Variants in EEA1 observed in about 807,000 individuals in gnomAD.
EEA1 encodes the protein early endosome antigen 1, 162kD.
In EEA1, 111 loss-of-function variants were observed where a neutral mutation model predicts 209.2. The ratio of observed to expected loss-of-function variants is 0.53; its 90% CI spans 0.45 to 0.62. The LOEUF is 0.62. Ranked by LOEUF, EEA1 falls within the 20% of genes least tolerant of loss-of-function variation. The pLI is 0.00. For synonymous variants in EEA1, 536 were observed against 540.6 expected, an observed-to-expected ratio of 0.99 and a Z score of 0.12; for missense variants, 1,343 against 1,530.8, an observed-to-expected ratio of 0.88 and a Z score of 2.05.
At chr12:92,805,452 G>A (rs974950590) in intron 18 of EEA1, among the ~76,000 whole-genome samples, 3 of 152,130 alleles carry the variant, frequency 2.0e-5, no homozygotes, top group Non-Finnish European at 4.4e-5. Flanking sequence ...CTTTTCTCAG[G>A]TTCTTAGTCT....
chr12:92,806,942 A>ATTTTTTTTTTTTTTTTTTTTTTTT (rs34717047), intron 18 of EEA1, among the ~76,000 whole-genome samples: 1 of 147,392 alleles, frequency 6.8e-6, no homozygotes, highest in African/African-American at 2.5e-5. Context: ...TTTTTTAATA[A>ATTTTTTTTTTTTTTTTTTTTTTTT]TTTTTTTTTT....
chr12:92,832,162 T>C (rs1876682010), intron 11 of EEA1, among the ~76,000 whole-genome samples: 1 of 152,048 alleles, frequency 6.6e-6, no homozygotes, highest in Non-Finnish European at 1.5e-5. Flanking sequence ...TTTTAAAATT[T>C]AGTAACAAAA....
Position 92,882,757 on chromosome 12 carries a change from T to C in EEA1, c.117+8872A>G, listed in dbSNP as rs575349090. Among the ~76,000 whole-genome samples the C allele has an allele frequency of 1.7e-4, 26 of 152,372 alleles. No homozygotes were observed. The South Asian group carries it at 5.4e-3, about 32-fold the overall frequency. ...TCCTACAAAGAATATGATTTTGTTA[T>C]TTTTATGCCTGTGTGGTATTCTGTG... is the stretch of plus-strand genomic sequence containing the variant. On this transcript the variant is annotated intron_variant, in intron 2 of 28. Transcript: ENST00000322349.
chr12:92,800,209 G>A (rs576637447), intron 20 of EEA1, among the ~76,000 whole-genome samples: 4 of 152,238 alleles, frequency 2.6e-5, no homozygotes, highest in African/African-American at 9.6e-5. Flanking sequence ...CTGACAGAGC[G>A]AGACTCTGTT....
In EEA1 at chr12:92,802,503, T is replaced by C. The variant is rs574932863; in HGVS notation, c.2571A>G (p.Thr857=). The change falls in exon 19 of 29, where the codon ACA becomes ACG. Residue 857 remains threonine, a synonymous_variant. Transcript: ENST00000322349. ...EKEALMTELS[T]VKDKLSKVSD... ...AAACTTTTGATAGTTTGTCCTTTAC[T>C]GTAGAAAGCTCTGTCATTAAAGCTT... The C allele has an allele frequency of 1.9e-5, 30 of 1,591,680 alleles. No individual in the cohort carries two copies. Among genetic ancestry groups the C allele is most frequent in the Non-Finnish European group, 2.5e-5 (29 of 1,173,756 alleles).
In EEA1 at chr12:92,912,370, A is replaced by G. The variant is rs146297150; in HGVS notation, c.24+16673T>C. On this transcript the variant is annotated intron_variant, in intron 1 of 28. Coordinates refer to ENST00000322349, the MANE Select transcript of EEA1 (RefSeq NM_003566.4). Reference sequence around the variant, plus strand: ...GCTGGCCATGAGACTTGCCTTGACTAATGGTAGTAGCAAATGAGACACAAG... The same window carrying G: ...GCTGGCCATGAGACTTGCCTTGACTGATGGTAGTAGCAAATGAGACACAAG... Among the ~76,000 whole-genome samples, 1,217 of 152,174 alleles carry G rather than the reference A, an allele frequency of 8.0e-3. 25 individuals carry two copies. The highest frequency in any genetic ancestry group is 0.027 in the African/African-American group (1,120 of 41,502).
intron 3 of EEA1, chr12:92,859,307 G>A (rs1392098302): frequency 1.4e-6 from 2 of 1,436,294 alleles, no homozygotes; most frequent in Non-Finnish European, 1.9e-6. Context: ...ATACTTGTTG[G>A]CAAAGGCAAC....
intron 12 of EEA1, among the ~76,000 whole-genome samples, chr12:92,827,625 C>T (rs1326244008): frequency 6.6e-6 from 1 of 152,182 alleles, no homozygotes. Context: ...AGGAAGTAGT[C>T]CTTCCTGAGT....
Position 92,858,139 on chromosome 12 carries a change from C to A in EEA1, c.246-654G>T, listed in dbSNP as rs140112435. ...TCATTGAGAAGGGCACATTCCTCTT[C>A]ACCTCAGAGTTGGTGGGGGAAGGCC... On this transcript the variant is annotated intron_variant, in intron 3 of 28. Coordinates refer to ENST00000322349, the MANE Select transcript of EEA1 (RefSeq NM_003566.4). 652 of 587,494 alleles carry A rather than the reference C, an allele frequency of 1.1e-3. 3 individuals are homozygous for A. The African/African-American group carries it at 0.011, about 10-fold the overall frequency. 36.4% of individuals were successfully genotyped at this position (587,494 alleles called of 1,614,324 possible).
chr12:92,799,130 A>G (rs770781065), intron 20 of EEA1, 44 bp from the exon 21 acceptor site: 5 of 1,487,620 alleles, frequency 3.4e-6, no homozygotes, highest in Middle Eastern at 1.9e-4. Context: ...TTGTTCATTC[A>G]AAAGACGATG....
At chr12:92,902,389 G>A (rs919744627) in intron 1 of EEA1, among the ~76,000 whole-genome samples, 1 of 152,138 alleles carries the variant, frequency 6.6e-6, no homozygotes, top group Non-Finnish European at 1.5e-5. Flanking sequence ...GGCCCACTGT[G>A]AGAACTTAGT....
intron 1 of EEA1, among the ~76,000 whole-genome samples, chr12:92,914,658 C>T (rs1170881990): frequency 6.6e-6 from 1 of 151,424 alleles, no homozygotes; most frequent in South Asian, 2.1e-4. Context: ...AAGACCTTGT[C>T]TCTACAATTT....
chr12:92,892,807 T>A lies in EEA1; in HGVS notation c.25-1086A>T, dbSNP rs538587103. ...TGTGCAGCTAAATTTTTTTTGTATT[T>A]TTAGTGGAAACGGGGTTTCACCATG... On this transcript the variant is annotated intron_variant, in intron 1 of 28. Transcript: ENST00000322349. Among the ~76,000 whole-genome samples the A allele has an allele frequency of 7.9e-5, 12 of 152,250 alleles. No individual in the cohort carries two copies. In the South Asian group the frequency reaches 2.5e-3, roughly 32 times the overall value.
Position 92,852,908 on chromosome 12 carries a change from T to C in EEA1, c.520+4A>G. 1 of 1,604,028 alleles carries C rather than the reference T, an allele frequency of 6.2e-7. No homozygotes were observed. On this transcript the variant is annotated splice_donor_region_variant and intron_variant, in intron 7 of 28. Coordinates refer to ENST00000322349, the MANE Select transcript of EEA1 (RefSeq NM_003566.4). ...ATTGGCTAAAAAATTCTAACTCAAT[T>C]TACCTGCAATTTCAGTAGCAAGTTG...
intron 1 of EEA1, among the ~76,000 whole-genome samples, chr12:92,894,489 G>C (rs935124280): frequency 6.6e-6 from 1 of 151,878 alleles, no homozygotes; most frequent in African/African-American, 2.4e-5. Flanking sequence ...AAGTTCCTGG[G>C]GAAATTAAAA....
intron 10 of EEA1, among the ~76,000 whole-genome samples, chr12:92,837,913 A>G (rs1286768542): frequency 6.6e-6 from 1 of 152,182 alleles, no homozygotes; most frequent in African/African-American, 2.4e-5. Context: ...CACCACTGTC[A>G]ATAATTATGG....
At chr12:92,892,751 G>T (rs1291665141) in intron 1 of EEA1, among the ~76,000 whole-genome samples, 1 of 151,482 alleles carries the variant, frequency 6.6e-6, no homozygotes, top group Non-Finnish European at 1.5e-5. Flanking sequence ...ATTTTTTTTT[G>T]AGTAGCTGGG....
intron 16 of EEA1, among the ~76,000 whole-genome samples, 168 bp from the exon 17 acceptor site, chr12:92,811,602 A>G (rs1664533473): frequency 6.6e-6 from 1 of 152,192 alleles, no homozygotes; most frequent in Non-Finnish European, 1.5e-5. Flanking sequence ...TACCAATATA[A>G]ACGACATGAA....
At chr12:92,829,431 A>G (rs1269757082) in intron 11 of EEA1, among the ~76,000 whole-genome samples, 1 of 152,216 alleles carries the variant, frequency 6.6e-6, no homozygotes, top group East Asian at 1.9e-4. Flanking sequence ...TCCTTCCACT[A>G]TGAATGCTTA....
Sources: allele counts gnomAD v4.1 joint callset (sites outside exome capture counted in the v4.1 genomes callset), GRCh38; gene constraint gnomAD v4.1.1; transcripts MANE v1.5; gene names NCBI Gene and HGNC (gene_info 2026-07-23, HGNC 2026-07-21).